Variants in C1orf87 observed in about 807,000 individuals in gnomAD.
The protein encoded by C1orf87 is uncharacterized protein C1orf87.
C1orf87 carries 58 observed loss-of-function variants against 60.5 expected under a neutral mutation model. The observed-to-expected ratio is 0.96, with a 90% CI of 0.78 to 1.19. The LOEUF (loss-of-function observed/expected upper bound fraction) is 1.19, where lower values mean the gene tolerates loss of function less well. Ranked by LOEUF, C1orf87 falls within the 50% of genes most tolerant of loss-of-function variation. The pLI, the probability that C1orf87 is intolerant of heterozygous loss-of-function variation, is 0.00. For missense variants in C1orf87, 673 were observed against 638.6 expected (o/e 1.05, Z -0.58); for synonymous variants, 236 against 227.4 (o/e 1.04, Z -0.34).
chr1:60,035,416 C>A (rs1329744193), intron 6 of C1orf87, among the ~76,000 whole-genome samples: 2 of 152,146 alleles, frequency 1.3e-5, no homozygotes, highest in Admixed American at 1.3e-4. Context: ...TCATCTGGTC[C>A]AGTTTAGGAG....
At chr1:60,002,742 A>G (rs1324896853) in intron 9 of C1orf87, among the ~76,000 whole-genome samples, 2 of 152,120 alleles carry the variant, frequency 1.3e-5, no homozygotes, top group African/African-American at 4.8e-5. Flanking sequence ...CCTAGCCATC[A>G]GAGAAATGCA....
intron 10 of C1orf87, 40 bp from the exon 11 acceptor site, chr1:59,997,856 C>T (rs1467449921): frequency 1.9e-6 from 3 of 1,584,378 alleles, no homozygotes; most frequent in Non-Finnish European, 2.6e-6. Context: ...CATTCACCAC[C>T]CAGAGCTTCT....
intron 2 of C1orf87, among the ~76,000 whole-genome samples, chr1:60,061,998 A>G (rs1274174109): frequency 6.6e-6 from 1 of 152,098 alleles, no homozygotes; most frequent in Non-Finnish European, 1.5e-5. Flanking sequence ...GTTTGGGCCA[A>G]TGGGTAGCCC....
chr1:59,997,158 CGTGT>C (rs983853624), intron 11 of C1orf87, among the ~76,000 whole-genome samples: 4 of 152,028 alleles, frequency 2.6e-5, no homozygotes, highest in Non-Finnish European at 5.9e-5. Context: ...ATGGCACAGG[CGTGT>C]GCGAGACAAG....
intron 8 of C1orf87, among the ~76,000 whole-genome samples, chr1:60,012,191 CAAA>C (rs1386109897): frequency 4.0e-5 from 6 of 150,128 alleles, no homozygotes; most frequent in African/African-American, 1.5e-4. Flanking sequence ...AAAAAAAACA[CAAA>C]ACAACAACAA....
At chr1:60,039,894 T>C (rs936220163) in intron 5 of C1orf87, 23 bp downstream of exon 5, 11 of 1,601,266 alleles carry the variant, frequency 6.9e-6, no homozygotes, top group Non-Finnish European at 9.4e-6. Context: ...GAACCCACAC[T>C]TCCAATAGTA....
chr1:60,071,818 A>C (rs182294636), intron 2 of C1orf87, among the ~76,000 whole-genome samples: 1 of 152,210 alleles, frequency 6.6e-6, no homozygotes, highest in Non-Finnish European at 1.5e-5. Context: ...AGTTTCTGAA[A>C]TAGAAGATAG....
intron 8 of C1orf87, among the ~76,000 whole-genome samples, chr1:60,014,699 C>T (rs1010044233): frequency 6.6e-6 from 1 of 152,082 alleles, no homozygotes; most frequent in African/African-American, 2.4e-5. Context: ...CCTCCCAAGC[C>T]CATTACCTTT....
At chr1:60,040,270 A>T in intron 4 of C1orf87, 90 bp from the exon 5 acceptor site, 1 of 1,490,422 alleles carries the variant, frequency 6.7e-7, no homozygotes, top group Non-Finnish European at 9.0e-7. Context: ...TGGGGCTGGT[A>T]TCTGAGTGTC....
intron 3 of C1orf87, among the ~76,000 whole-genome samples, chr1:60,048,302 G>A (rs998685226): frequency 1.3e-5 from 2 of 152,164 alleles, no homozygotes; most frequent in African/African-American, 4.8e-5. Context: ...ATAGCCACAT[G>A]AGTGAGCTTG....
intron 6 of C1orf87, among the ~76,000 whole-genome samples, chr1:60,034,933 T>A (rs1406207014): frequency 3.9e-5 from 6 of 152,138 alleles, no homozygotes; most frequent in Non-Finnish European, 7.4e-5. Context: ...TTCCTTTTTT[T>A]TTTTTGGCTC....
At chr1:60,047,309 T>C (rs1223356840) in intron 3 of C1orf87, among the ~76,000 whole-genome samples, 1 of 152,226 alleles carries the variant, frequency 6.6e-6, no homozygotes, top group Non-Finnish European at 1.5e-5. Flanking sequence ...AAATAATCAT[T>C]ATGAATATAT....
chr1:60,055,427 T>A lies in C1orf87; in HGVS notation c.119A>T (p.Asp40Val), dbSNP rs1289682033. Residue 40 changes from aspartate (D) to valine (V), a missense_variant, in exon 3 of 12, where the codon GAC becomes GTC. Physicochemically the swap from Asp to Val is radical, Grantham distance 152 (BLOSUM62 -3). Transcript: ENST00000371201. ...LVEKPKIKEN[D>V]SLKTETQTMH... ...TGTTTGGGTTTCTGTTTTCAAGCTG[T>A]CATTCTCCTTGCTGTGAAGAAAGAA... 1 of 1,613,956 alleles carries A rather than the reference T, an allele frequency of 6.2e-7. No individual in the cohort carries two copies. Among genetic ancestry groups the A allele is most frequent in the South Asian group, 1.1e-5 (1 of 91,072 alleles).
chr1:60,055,285 C>G lies in C1orf87; in HGVS notation c.261G>C (p.Lys87Asn), dbSNP rs1645445524. The change falls in exon 3 of 12, where the codon AAG (lysine) becomes AAC (asparagine). Residue 87 changes from lysine (K) to asparagine (N), a missense_variant. Transcript: ENST00000371201. The stretch of plus-strand genomic sequence containing the variant: ...CTGATTTCTGGTTGTTCTCTGGGTG[C>G]TTTTTCTCTTTCACATCATCTGGAT... ...TDNPDDVKEK[K>N]HPENNQKSEN... 1.2e-6 allele frequency: 2 copies of G among 1,613,940 alleles called. No homozygotes were observed. The highest frequency in any genetic ancestry group is 8.5e-7 in the Non-Finnish European group (1 of 1,180,010).
chr1:60,040,939 A>G, intron 4 of C1orf87, 52 bp downstream of exon 4: 1 of 1,510,856 alleles, frequency 6.6e-7, no homozygotes, highest in Admixed American at 1.9e-5. Context: ...TTGAGTCAAC[A>G]ACACTCCTTC....
At position 60,064,583 on chromosome 1, in the gene C1orf87, C is replaced by A. The variant is rs1252394121; in HGVS notation, c.107+7954G>T. ...TATATAAAACTAATAGGATATATAT[C>A]ATATATAATATATATATGTCCTATA... On this transcript the variant is annotated intron_variant, in intron 2 of 11. Transcript: ENST00000371201. 5.3e-5 allele frequency among the ~76,000 whole-genome samples: 6 copies of A among 112,316 alleles called. No homozygotes were observed. In the East Asian group the frequency reaches 9.5e-4, roughly 18 times the overall value. 73.7% of individuals were successfully genotyped at this position (112,316 alleles called of 152,430 possible).
intron 2 of C1orf87, among the ~76,000 whole-genome samples, chr1:60,060,482 T>C (rs1231646993): frequency 1.3e-5 from 2 of 152,116 alleles, no homozygotes; most frequent in Non-Finnish European, 2.9e-5. Flanking sequence ...TCCTCATCAC[T>C]CAGGTACAAA....
At chr1:60,017,086 C>T (rs1015421546) in intron 8 of C1orf87, among the ~76,000 whole-genome samples, 4 of 152,190 alleles carry the variant, frequency 2.6e-5, no homozygotes, top group African/African-American at 9.7e-5. Context: ...TTTAGCCTCT[C>T]TGTGCTGCTG....
At chr1:60,017,979 G>T (rs546516883) in intron 8 of C1orf87, among the ~76,000 whole-genome samples, 3 of 152,288 alleles carry the variant, frequency 2.0e-5, no homozygotes, top group Admixed American at 6.5e-5. Context: ...GTTAGATGGG[G>T]CTAATCCCAC....
Sources: gnomAD v4.1 joint callset for allele counts (sites outside exome capture counted in the v4.1 genomes callset) on GRCh38, gnomAD v4.1.1 for gene constraint, MANE v1.5 for transcripts, NCBI Gene and HGNC (gene_info 2026-07-23, HGNC 2026-07-21) for gene names.